The following SMAD3 variants were observed in gnomAD, a reference collection of about 807,000 sequenced individuals.
SMAD3 encodes SMAD family member 3, also known as MAD homolog 3.
Under a neutral mutation model 51.8 loss-of-function variants are expected in SMAD3, and 12 were observed. The ratio of observed to expected loss-of-function variants is 0.23; its 90% CI spans 0.15 to 0.38. SMAD3 has a LOEUF of 0.38. Among genes scored for constraint, SMAD3 ranks in the 10% least tolerant of loss-of-function variants. The probability of loss-of-function intolerance (pLI) is 1.00; values close to 1 mark genes in which losing one functional copy is unlikely to be tolerated. For synonymous variants in SMAD3, 238 were observed against 227.7 expected, an observed-to-expected ratio of 1.05 and a Z score of -0.41; for missense variants, 294 against 565.6, an observed-to-expected ratio of 0.52 and a Z score of 4.87.
intron 6 of SMAD3, among the ~76,000 whole-genome samples, chr15:67,182,575 T>G (rs978997336): frequency 6.6e-6 from 1 of 152,232 alleles, no homozygotes; most frequent in African/African-American, 2.4e-5. Context: ...TCTCGGGCTC[T>G]CACAGAAGAC....
rs1340240414 is a variant in SMAD3 at position 67,165,233 on chromosome 15, G to A, written c.401-20G>A. On this transcript the variant is annotated intron_variant, in intron 2 of 8. Transcript: ENST00000327367. The stretch of plus-strand genomic sequence containing the variant: ...CTGGCATCGACACTGAGCCACCTCT[G>A]CTCTGTCTCCCCCGGACAGTTCTAC... 3.1e-6 allele frequency: 5 copies of A among 1,614,032 alleles called. No individual in the cohort carries two copies. The Admixed American group carries it at 8.3e-5, about 27-fold the overall frequency.
intron 1 of SMAD3, among the ~76,000 whole-genome samples, chr15:67,083,430 A>G (rs919060725): frequency 1.3e-5 from 2 of 152,186 alleles, no homozygotes; most frequent in African/African-American, 2.4e-5. Flanking sequence ...TAGGAGGAGG[A>G]TGAAATAACA....
chr15:67,161,492 G>A (rs1356267747), intron 1 of SMAD3, among the ~76,000 whole-genome samples: 1 of 152,202 alleles, frequency 6.6e-6, no homozygotes, highest in Non-Finnish European at 1.5e-5. Flanking sequence ...TTCTCTTGCA[G>A]AGGAGGCTAT....
rs61740807 is a variant in SMAD3, at chr15:67,194,089, C to T, written c.*3553C>T. The T allele has an allele frequency of 4.7e-5, 11 of 233,218 alleles. No homozygotes were observed. The highest frequency in any genetic ancestry group is 8.8e-5 in the African/African-American group (4 of 45,328). 14.4% of individuals were successfully genotyped at this position (233,218 alleles called of 1,614,324 possible). ...GATACCAGCAGCAAGAGAGTGCACC[C>T]GTTTAGCCCTGGACCCTGTTTCTTA... On this transcript the variant is annotated 3_prime_UTR_variant, in exon 9 of 9. Coordinates refer to ENST00000327367, the MANE Select transcript of SMAD3 (RefSeq NM_005902.4).
At chr15:67,167,079 G>A (rs887710223) in intron 4 of SMAD3, among the ~76,000 whole-genome samples, 5 of 152,212 alleles carry the variant, frequency 3.3e-5, no homozygotes, top group East Asian at 1.9e-4. Context: ...GGGCCATCTC[G>A]TGTATGCCCT....
intron 1 of SMAD3, among the ~76,000 whole-genome samples, chr15:67,118,187 G>A (rs569217783): frequency 4.6e-5 from 7 of 152,242 alleles, no homozygotes; most frequent in South Asian, 2.1e-4. Context: ...AACTCACAGC[G>A]TCGGGGAAGA....
At position 67,181,471 on chromosome 15, in the gene SMAD3, T is replaced by TGGGCCCC; in HGVS notation, c.871+18_871+19insGGGCCCC. The TGGGCCCC allele has an allele frequency of 6.6e-7, 1 of 1,521,094 alleles. No individual in the cohort carries two copies. The highest frequency in any genetic ancestry group is 1.9e-5 in the Admixed American group (1 of 53,432). The allele number at this position is 1,521,094 out of a possible 1,614,324, so 94.2% of individuals were successfully genotyped here. ...ACACATCGGTATGGGGTGGCTCCAT[T>TGGGCCCC]CCCCGCCCCCCCACCCTGCCCCTGC... is the stretch of plus-strand genomic sequence containing the variant. On this transcript the variant is annotated intron_variant, in intron 6 of 8. Transcript: ENST00000327367.
At chr15:67,158,692 C>T (rs1027831859) in intron 1 of SMAD3, among the ~76,000 whole-genome samples, 1 of 152,174 alleles carries the variant, frequency 6.6e-6, no homozygotes, top group African/African-American at 2.4e-5. Flanking sequence ...GTAAGATGTG[C>T]CTTATTATCC....
At chr15:67,152,998 A>G (rs1962187236) in intron 1 of SMAD3, among the ~76,000 whole-genome samples, 1 of 152,330 alleles carries the variant, frequency 6.6e-6, no homozygotes, top group East Asian at 1.9e-4. Context: ...TTGTAGTCAT[A>G]GAGAACTGAG....
At chr15:67,086,572 A>G (rs181805299) in intron 1 of SMAD3, among the ~76,000 whole-genome samples, 7 of 152,330 alleles carry the variant, frequency 4.6e-5, no homozygotes, top group Admixed American at 4.6e-4. Context: ...GGGCTTTCAC[A>G]GATGAAGGGG....
rs1351395178 is a variant in SMAD3, at chr15:67,113,213, A to G, written c.206+46853A>G. ...ATTCTCCTGCCTCAGCAGCCTCCCG[A>G]GTAGCTGGGACTACAGGCGCCTGCC... is the stretch of plus-strand genomic sequence containing the variant. On this transcript the variant is annotated intron_variant, in intron 1 of 8. Coordinates refer to ENST00000327367, the MANE Select transcript of SMAD3 (RefSeq NM_005902.4). Among the ~76,000 whole-genome samples the G allele has an allele frequency of 1.6e-5, 2 of 125,364 alleles. 1 individual carries two copies. The highest frequency in any genetic ancestry group is 3.2e-5 in the Non-Finnish European group (2 of 62,232). The allele number at this position is 125,364 out of a possible 152,430, so 82.2% of individuals were successfully genotyped here.
intron 1 of SMAD3, chr15:67,099,132 A>G: frequency 1.5e-6 from 1 of 652,722 alleles, no homozygotes; most frequent in East Asian, 2.7e-5. Context: ...ATACACTGAC[A>G]TGAGAAGAAG....
At chr15:67,067,310 A>G (rs1216656510) in intron 1 of SMAD3, among the ~76,000 whole-genome samples, 1 of 152,158 alleles carries the variant, frequency 6.6e-6, no homozygotes, top group Non-Finnish European at 1.5e-5. Flanking sequence ...GATGGCTGAT[A>G]GAAGGGGTCA....
At chr15:67,154,816 TA>T (rs987877032) in intron 1 of SMAD3, among the ~76,000 whole-genome samples, 3 of 151,676 alleles carry the variant, frequency 2.0e-5, no homozygotes, top group East Asian at 3.9e-4. Context: ...TCCCTTTTTT[TA>T]AAAAAAAATT....
intron 1 of SMAD3, among the ~76,000 whole-genome samples, chr15:67,071,110 T>C (rs1451102836): frequency 1.3e-5 from 2 of 152,148 alleles, no homozygotes; most frequent in Non-Finnish European, 2.9e-5. Flanking sequence ...AGGAATGTGC[T>C]AAGTGCCCAG....
chr15:67,162,719 C>G (rs1466841794), intron 1 of SMAD3, among the ~76,000 whole-genome samples: 1 of 151,972 alleles, frequency 6.6e-6, no homozygotes, highest in African/African-American at 2.4e-5. Flanking sequence ...TTTCCACTTT[C>G]CACAGGGCCT....
intron 1 of SMAD3, among the ~76,000 whole-genome samples, chr15:67,089,985 G>A (rs1329006664): frequency 1.3e-5 from 2 of 152,214 alleles, no homozygotes; most frequent in Non-Finnish European, 2.9e-5. Flanking sequence ...CCTCACCTCT[G>A]AAGCCACACA....
At chr15:67,118,103 AAGAG>A (rs549391129) in intron 1 of SMAD3, among the ~76,000 whole-genome samples, 1 of 152,208 alleles carries the variant, frequency 6.6e-6, no homozygotes. Flanking sequence ...AAAAATAAAA[AAGAG>A]AGAGTCTGAA....
chr15:67,152,393 C>T (rs1263600981), intron 1 of SMAD3, among the ~76,000 whole-genome samples: 2 of 152,154 alleles, frequency 1.3e-5, no homozygotes, highest in Non-Finnish European at 2.9e-5. Context: ...GCTACATGAA[C>T]AGGCCTGCTG....
Sources: gnomAD v4.1 joint callset for allele counts (sites outside exome capture counted in the v4.1 genomes callset) on GRCh38, gnomAD v4.1.1 for gene constraint, MANE v1.5 for transcripts, NCBI Gene and HGNC (gene_info 2026-07-23, HGNC 2026-07-21) for gene names.